Variants in LY6S observed in about 807,000 individuals in gnomAD.
LY6S encodes lymphocyte antigen 6 family member S, also known as lymphocyte antigen 6S.
chr8:143,066,103 A>G, the LY6S span: 1 of 413,454 alleles, frequency 2.4e-6, no homozygotes, highest in South Asian at 1.9e-5. Flanking sequence ...CTCGCTTCGG[A>G]AATGTCCCTG....
At chr8:143,054,701 C>G in the LY6S span, among the ~76,000 whole-genome samples, 1 of 152,214 alleles carries the variant, frequency 6.6e-6, no homozygotes, top group Non-Finnish European at 1.5e-5. Context: ...CTGGCTACTA[C>G]GTCTCCCCCT....
chr8:143,058,403 G>C, the LY6S span, among the ~76,000 whole-genome samples: 2 of 152,202 alleles, frequency 1.3e-5, no homozygotes, highest in Non-Finnish European at 2.9e-5. Flanking sequence ...CACTGGACAG[G>C]GGGCCCTTCC....
the LY6S span, among the ~76,000 whole-genome samples, chr8:143,048,203 C>T: frequency 2.0e-5 from 3 of 152,134 alleles, no homozygotes; most frequent in African/African-American, 7.2e-5. Context: ...AGTCAAGCTC[C>T]GGGGAAGGTT....
chr8:143,048,338 C>A, the LY6S span, among the ~76,000 whole-genome samples: 31 of 152,354 alleles, frequency 2.0e-4, no homozygotes, highest in African/African-American at 7.5e-4. Flanking sequence ...GGCTGTTTCG[C>A]TGCTTGGTTT....
the LY6S span, among the ~76,000 whole-genome samples, chr8:143,062,109 T>G: frequency 6.6e-6 from 1 of 152,122 alleles, no homozygotes; most frequent in African/African-American, 2.4e-5. Flanking sequence ...GAAAAAGATA[T>G]GATTAGAAAG....
chr8:143,043,200 A>T, the LY6S span: 1 of 1,367,548 alleles, frequency 7.3e-7, no homozygotes, highest in African/African-American at 1.5e-5. Flanking sequence ...GCTGGCTGCC[A>T]GGACCACCGC....
the LY6S span, among the ~76,000 whole-genome samples, chr8:143,050,828 G>T: frequency 6.6e-6 from 1 of 152,112 alleles, no homozygotes; most frequent in African/African-American, 2.4e-5. Flanking sequence ...AGGACATGCT[G>T]TGGTTAGTCT....
the LY6S span, among the ~76,000 whole-genome samples, chr8:143,058,790 C>T: frequency 8.3e-6 from 1 of 120,648 alleles, no homozygotes; most frequent in Non-Finnish European, 1.8e-5. Flanking sequence ...GCCTGGCAAC[C>T]GGCGTCTTCC....
At chr8:143,070,495 T>A in the LY6S span, among the ~76,000 whole-genome samples, 2,468 of 116,190 alleles carry the variant, frequency 0.021, 136 homozygotes, top group South Asian at 0.04. Context: ...ATATATTTTT[T>A]TTTTTTTTTG....
the LY6S span, chr8:143,057,125 A>G: frequency 5.7e-6 from 2 of 353,660 alleles, no homozygotes; most frequent in East Asian, 8.3e-5. Context: ...GTGTATATAT[A>G]GGGCCAAATC....
the LY6S span, among the ~76,000 whole-genome samples, chr8:143,064,799 C>T: frequency 2.0e-5 from 3 of 152,172 alleles, no homozygotes; most frequent in African/African-American, 7.2e-5. Context: ...AGTTTGGGTC[C>T]GTGCGGGGAA....
At chr8:143,064,964 C>T in the LY6S span, among the ~76,000 whole-genome samples, 1 of 152,176 alleles carries the variant, frequency 6.6e-6, no homozygotes, top group African/African-American at 2.4e-5. Context: ...TGGTGTGCAG[C>T]AAATAGTGGT....
chr8:143,041,115 C>T, the LY6S span, among the ~76,000 whole-genome samples: 2 of 152,120 alleles, frequency 1.3e-5, no homozygotes, highest in African/African-American at 4.8e-5. Flanking sequence ...AACATCTTAT[C>T]AGGAGACAGG....
At chr8:143,043,282 A>G in the LY6S span, 3 of 1,333,526 alleles carry the variant, frequency 2.2e-6, no homozygotes, top group South Asian at 1.2e-5. Context: ...AGCAGGGGGA[A>G]TCCGACGTCC....
the LY6S span, among the ~76,000 whole-genome samples, chr8:143,050,434 G>A: frequency 6.6e-6 from 1 of 152,056 alleles, no homozygotes; most frequent in African/African-American, 2.4e-5. Flanking sequence ...ACCCGTCTCA[G>A]CCTCCTAAAG....
chr8:143,072,024 C>T, the LY6S span, among the ~76,000 whole-genome samples: 1 of 152,254 alleles, frequency 6.6e-6, no homozygotes, highest in Non-Finnish European at 1.5e-5. Context: ...CCCATGCTTC[C>T]TCCTGACATT....
the LY6S span, among the ~76,000 whole-genome samples, chr8:143,076,242 C>T: frequency 1.3e-5 from 2 of 152,304 alleles, no homozygotes; most frequent in South Asian, 4.1e-4. Context: ...AAAGACAGCA[C>T]CTGATGAATT....
At chr8:143,057,499 C>G in the LY6S span, 1 of 709,976 alleles carries the variant, frequency 1.4e-6, no homozygotes, top group Non-Finnish European at 2.5e-6. Context: ...CCGCCCGCCC[C>G]GGCCTCCCAA....
chr8:143,053,989 G>T, the LY6S span: 1 of 152,110 alleles, frequency 6.6e-6, no homozygotes, highest in Admixed American at 6.6e-5. Context: ...ATCCTCTGGG[G>T]ACCATCAACA....
Sources: gnomAD v4.1 joint callset for allele counts (sites outside exome capture counted in the v4.1 genomes callset) on GRCh38, gnomAD v4.1.1 for gene constraint, MANE v1.5 for transcripts, NCBI Gene and HGNC (gene_info 2026-07-23, HGNC 2026-07-21) for gene names.